Variants in LRP2 observed in about 807,000 individuals in gnomAD.
The protein encoded by LRP2 is low-density lipoprotein receptor-related protein 2.
A neutral mutation model predicts 531.0 loss-of-function variants in LRP2; 172 were observed. The observed-to-expected ratio is 0.32, with a 90% CI of 0.29 to 0.37. The LOEUF is 0.37. Ranked by LOEUF, LRP2 falls within the 10% of genes least tolerant of loss-of-function variation. The pLI is 1.00. For synonymous variants in LRP2, 1,992 were observed against 2,027.6 expected, an observed-to-expected ratio of 0.98 and a Z score of 0.47; for missense variants, 5,167 against 5,868.3, an observed-to-expected ratio of 0.88 and a Z score of 3.90.
intron 50 of LRP2, among the ~76,000 whole-genome samples, chr2:169,183,758 C>T (rs568391754): frequency 5.9e-5 from 9 of 152,128 alleles, no homozygotes; most frequent in East Asian, 1.9e-4. Context: ...TTCCAATGTG[C>T]GTAATGGTGG....
intron 4 of LRP2, among the ~76,000 whole-genome samples, chr2:169,305,961 G>A (rs1302756190): frequency 1.3e-5 from 2 of 152,016 alleles, no homozygotes; most frequent in Non-Finnish European, 2.9e-5. Flanking sequence ...TACCCTAGGT[G>A]TGCAGTAGGC....
chr2:169,346,948 T>A (rs1238471909), intron 1 of LRP2, among the ~76,000 whole-genome samples: 1 of 152,204 alleles, frequency 6.6e-6, no homozygotes, highest in Non-Finnish European at 1.5e-5. Flanking sequence ...GAGGCCTTCC[T>A]AATAGATCAC....
intron 65 of LRP2, 116 bp downstream of exon 65, chr2:169,156,158 A>T (rs1686323564): frequency 6.9e-7 from 1 of 1,456,884 alleles, no homozygotes; most frequent in East Asian, 2.3e-5. Context: ...GGCGAGTTTA[A>T]AAAAAAAGAA....
At chr2:169,160,507 A>G (rs1686536965) in intron 63 of LRP2, among the ~76,000 whole-genome samples, 1 of 152,084 alleles carries the variant, frequency 6.6e-6, no homozygotes, top group Non-Finnish European at 1.5e-5. Context: ...GGAAGGAGAA[A>G]AAAGACAAAG....
intron 1 of LRP2, among the ~76,000 whole-genome samples, chr2:169,338,108 G>A (rs1011662140): frequency 1.3e-5 from 2 of 150,552 alleles, no homozygotes; most frequent in Non-Finnish European, 2.9e-5. Flanking sequence ...CAAACCCAGA[G>A]CAAAAGAAAG....
chr2:169,327,457 C>T (rs1208949166), intron 1 of LRP2, among the ~76,000 whole-genome samples: 10 of 112,206 alleles, frequency 8.9e-5, no homozygotes, highest in East Asian at 2.9e-4. Context: ...GCACCCCGCC[C>T]GGCCAGCCGC....
At chr2:169,222,638 T>C (rs1689060329) in intron 33 of LRP2, among the ~76,000 whole-genome samples, 1 of 152,196 alleles carries the variant, frequency 6.6e-6, no homozygotes, top group Non-Finnish European at 1.5e-5. Flanking sequence ...TACACACCTA[T>C]GACAAAGTTT....
At chr2:169,158,061 T>TACACACACAC (rs61381788) in intron 63 of LRP2, among the ~76,000 whole-genome samples, 9,655 of 141,250 alleles carry the variant, frequency 0.068, 383 homozygotes, top group East Asian at 0.16. Flanking sequence ...ATTGATTATA[T>TACACACACAC]ACACACACAC....
chr2:169,206,621 T>C lies in LRP2; in HGVS notation c.7099A>G (p.Lys2367Glu), dbSNP rs745988142. The C allele has an allele frequency of 6.2e-7, 1 of 1,614,130 alleles. No homozygotes were observed. Among genetic ancestry groups the C allele is most frequent in the South Asian group, 1.1e-5 (1 of 91,088 alleles). The part of the protein sequence containing the change: ...CFALPGLHTP[K>E]CDCAFGTLQS... ...AGGGTCCCAAAGGCACAGTCACATT[T>C]TGGGGTGTGCAATCCAGGCAGAGCA... The change falls in exon 39 of 79, where the codon AAA becomes GAA. Residue 2367 changes from lysine to glutamate, a missense_variant. Lys to Glu is a moderately conservative substitution (Grantham distance 56, BLOSUM62 1). Around this residue, in one of 6 missense-constraint regions of LRP2, gnomAD observed 2,811 missense variants for 3,058.0 expected, o/e 0.92. Coordinates refer to ENST00000649046, the MANE Select transcript of LRP2 (RefSeq NM_004525.3).
intron 3 of LRP2, 63 bp downstream of exon 3, chr2:169,318,699 T>C: frequency 6.2e-7 from 1 of 1,611,948 alleles, no homozygotes; most frequent in Non-Finnish European, 8.5e-7. Flanking sequence ...TGTAACTTCT[T>C]TGCGACAGGT....
At chr2:169,133,525 C>T (rs912478116) in intron 76 of LRP2, among the ~76,000 whole-genome samples, 10 of 152,094 alleles carry the variant, frequency 6.6e-5, no homozygotes, top group African/African-American at 2.4e-4. Flanking sequence ...CTTAAAATCA[C>T]AAAATATTTG....
rs376697219 is a variant in LRP2, at chr2:169,182,153, C to T, written c.9998+14G>A. ...GAGGTGAAAGAAAAGCCCAGGATTG[C>T]AGGGAGACAATACCCATATTGAGGG... On this transcript the variant is annotated intron_variant, in intron 51 of 78. Transcript: ENST00000649046. The T allele has an allele frequency of 5.0e-6, 8 of 1,613,758 alleles. No individual in the cohort carries two copies. In the African/African-American group the frequency reaches 1.1e-4, roughly 22 times the overall value.
At chr2:169,163,088 G>A (rs1298042660) in intron 62 of LRP2, among the ~76,000 whole-genome samples, 1 of 152,100 alleles carries the variant, frequency 6.6e-6, no homozygotes, top group East Asian at 1.9e-4. Context: ...TGGATTAACA[G>A]TCAGGAGGCA....
intron 13 of LRP2, among the ~76,000 whole-genome samples, chr2:169,275,954 GA>G (rs2105444839): frequency 6.6e-6 from 1 of 152,062 alleles, no homozygotes. Flanking sequence ...TTAGACTCAT[GA>G]ACAGAGTGAG....
chr2:169,202,953 T>C lies in LRP2; in HGVS notation c.8012A>G (p.Asn2671Ser), dbSNP rs1688251278. Residue 2671 changes from asparagine (N) to serine (S), a missense_variant, in exon 43 of 79, where the codon AAT (asparagine) becomes AGT (serine). By Grantham distance (46) the Asn-to-Ser change is conservative. This residue lies in a region of LRP2 where 1,129 missense variants were observed against 1,362.7 expected (regional missense o/e 0.83). Transcript: ENST00000649046. ...GCSHICAPGP[N>S]GAECQCPHEG... ...ATGTGGACACTGGCACTCGGCACCATTTGGACCTGAAGAAAGATAATCCCA... is the reference window on the plus strand; with the variant it reads ...ATGTGGACACTGGCACTCGGCACCACTTGGACCTGAAGAAAGATAATCCCA... The C allele has an allele frequency of 6.2e-7, 1 of 1,614,088 alleles. No homozygotes were observed. The highest frequency in any genetic ancestry group is 1.1e-5 in the South Asian group (1 of 91,078).
At chr2:169,332,741 G>T (rs73028152) in intron 1 of LRP2, among the ~76,000 whole-genome samples, 3 of 152,020 alleles carry the variant, frequency 2.0e-5, no homozygotes, top group Admixed American at 2.0e-4. Flanking sequence ...ACACACATAC[G>T]TACATGCACA....
intron 4 of LRP2, among the ~76,000 whole-genome samples, chr2:169,300,828 G>T (rs1174957848): frequency 1.3e-5 from 2 of 151,994 alleles, no homozygotes; most frequent in Non-Finnish European, 2.9e-5. Context: ...AAGGCTCGCT[G>T]GGCAGCTTAA....
At chr2:169,162,370 T>C (rs1258099581) in intron 63 of LRP2, 102 bp downstream of exon 63, 5 of 1,368,548 alleles carry the variant, frequency 3.7e-6, no homozygotes, top group Non-Finnish European at 5.2e-6. Context: ...AAAAAGTACA[T>C]TAAGGAGAAA....
chr2:169,202,412 G>A (rs1688233269), intron 43 of LRP2, among the ~76,000 whole-genome samples: 1 of 152,150 alleles, frequency 6.6e-6, no homozygotes, highest in African/African-American at 2.4e-5. Context: ...CATGCCTCAT[G>A]CTAAGGGATT....
Sources: gnomAD v4.1 joint callset for allele counts (sites outside exome capture counted in the v4.1 genomes callset) on GRCh38, gnomAD v4.1.1 for gene constraint, gnomAD v4.1.1 regional missense constraint, MANE v1.5 for transcripts, NCBI Gene and HGNC (gene_info 2026-07-23, HGNC 2026-07-21) for gene names.